CENPX: variants seen among roughly 807,000 people sequenced by gnomAD.
The protein encoded by CENPX is FANCM associated histone fold protein 2.
In CENPX, 13 loss-of-function variants were observed where a neutral mutation model predicts 13.2. That is an observed-to-expected ratio of 0.98 (90% CI 0.64 to 1.56). CENPX has a LOEUF of 1.56. Ranked by LOEUF, CENPX falls within the 40% of genes most tolerant of loss-of-function variation. CENPX has a pLI of 0.00. For synonymous variants in CENPX, 66 were observed against 47.2 expected (o/e 1.40, Z -1.63); for missense variants, 138 against 107.5 (o/e 1.28, Z -1.26).
rs1014658185 is a variant in CENPX, at chr17:82,022,792, C to T, written c.36+34G>A. On this transcript the variant is annotated intron_variant, in intron 1 of 4. Transcript: ENST00000392359. ...ACGCGTGAGGTCGGGACGGAGCGTC[C>T]GCGCCTGCCTAGCCCCTGCCCTCCG... The T allele has an allele frequency of 3.2e-6, 5 of 1,559,402 alleles. No individual in the cohort carries two copies. The South Asian group carries it at 4.7e-5, about 15-fold the overall frequency.
chr17:82,019,613 C>T (rs540001749), intron 3 of CENPX, 28 bp downstream of exon 3: 7 of 1,550,086 alleles, frequency 4.5e-6, no homozygotes, highest in African/African-American at 4.1e-5. Flanking sequence ...GATGCTGTGC[C>T]CGGAGGGAGC....
intron 1 of CENPX, 27 bp from the exon 2 acceptor site, chr17:82,019,936 A>AGGCCCCCCCCCC: frequency 6.5e-7 from 1 of 1,534,114 alleles, no homozygotes; most frequent in Non-Finnish European, 8.8e-7. Flanking sequence ...TGTCAGCGCC[A>AGGCCCCCCCCCC]CGCCCCGCCC....
rs1217400206 is a variant in CENPX at position 82,019,378 on chromosome 17, G to C, written c.146C>G (p.Ala49Gly). 6.5e-7 allele frequency: 1 copy of C among 1,549,188 alleles called. No homozygotes were observed. The highest frequency in any genetic ancestry group is 2.0e-5 in the Admixed American group (1 of 51,224). Residue 49 changes from alanine (A) to glycine (G), a missense_variant, in exon 4 of 5, where the codon GCA becomes GGA. Coordinates refer to ENST00000392359, the MANE Select transcript of CENPX (RefSeq NM_001271006.2). ...VELLKVFVVE[A>G]AVRGVRQAQA... The stretch of plus-strand genomic sequence containing the variant: ...GGCCTGCCGCACGCCGCGGACTGCT[G>C]CTTCTGCGGTGAGAAACGCGAGAGG...
intron 1 of CENPX, among the ~76,000 whole-genome samples, chr17:82,022,144 A>G (rs1459299613): frequency 6.6e-6 from 1 of 152,174 alleles, no homozygotes; most frequent in African/African-American, 2.4e-5. Flanking sequence ...TCCTCTGCAC[A>G]TGGCACCCCC....
rs769845681 is a variant in CENPX at position 82,019,300 on chromosome 17, G to T, written c.224C>A (p.Pro75Gln). 1 of 1,594,878 alleles carries T rather than the reference G, an allele frequency of 6.3e-7. No homozygotes were observed. The highest frequency in any genetic ancestry group is 1.3e-5 in the African/African-American group (1 of 74,892). ...VDVDQLEKVL[P>Q]QLLLDF ...CGACCCACGCTCACGCACCAGCTGC[G>T]GAAGCACCTTCTCCAGCTGGTCCAC... The change falls in exon 4 of 5, where the codon CCG becomes CAG. Residue 75 changes from proline to glutamine, a missense_variant. Pro to Gln is a moderately conservative substitution (Grantham distance 76, BLOSUM62 -1). Coordinates refer to ENST00000392359, the MANE Select transcript of CENPX (RefSeq NM_001271006.2).
At position 82,019,638 on chromosome 17, in the gene CENPX, C is replaced by T. The variant is rs965368222; in HGVS notation, c.142+3G>A. 4 of 1,550,308 alleles carry T rather than the reference C, an allele frequency of 2.6e-6. No homozygotes were observed. Among genetic ancestry groups the T allele is most frequent in the African/African-American group, 1.4e-5 (1 of 73,172 alleles). Reference sequence around the variant, plus strand: ...CCGGAGGGAGCGTGGGCCCTGGGCTCACCCACAACGAAGACCTTCAGCAAC... The same window carrying T: ...CCGGAGGGAGCGTGGGCCCTGGGCTTACCCACAACGAAGACCTTCAGCAAC... On this transcript the variant is annotated splice_donor_region_variant and intron_variant, in intron 3 of 4. Transcript: ENST00000392359.
Position 82,022,821 on chromosome 17 carries a change from C to A in CENPX, c.36+5G>T, listed in dbSNP as rs1162638290. The A allele has an allele frequency of 1.3e-6, 2 of 1,587,338 alleles. No individual in the cohort carries two copies. Among genetic ancestry groups the A allele is most frequent in the Non-Finnish European group, 1.7e-6 (2 of 1,169,682 alleles). The stretch of plus-strand genomic sequence containing the variant: ...CCTGCCTAGCCCCTGCCCTCCGGCC[C>A]TCACCTTCCGGAAGCCGGATCCAGC... On this transcript the variant is annotated splice_donor_5th_base_variant and intron_variant, in intron 1 of 4. Coordinates refer to ENST00000392359, the MANE Select transcript of CENPX (RefSeq NM_001271006.2).
At chr17:82,019,498 A>G (rs1395654125) in intron 3 of CENPX, 117 bp from the exon 4 acceptor site, 1 of 1,515,892 alleles carries the variant, frequency 6.6e-7, no homozygotes. Context: ...CCCCAGAACC[A>G]GGCCACAGCA....
At position 82,019,003 on chromosome 17, in the gene CENPX, C is replaced by T. The variant is rs2043221238; in HGVS notation, c.*202G>A. On this transcript the variant is annotated 3_prime_UTR_variant, in exon 5 of 5. Coordinates refer to ENST00000392359, the MANE Select transcript of CENPX (RefSeq NM_001271006.2). ...TGCTGCCCCTTCCCACACCAGTGTC[C>T]CCACTGGACACTCCAAGGCCCGCAG... 1.6e-6 allele frequency: 1 copy of T among 643,986 alleles called. No homozygotes were observed. Among genetic ancestry groups the T allele is most frequent in the African/African-American group, 1.9e-5 (1 of 53,560 alleles). The allele number at this position is 643,986 out of a possible 1,614,324, so 39.9% of individuals were successfully genotyped here.
In CENPX at chr17:82,019,697, G is replaced by A. The variant is rs552063290; in HGVS notation, c.89-3C>T. ...GAGCTGCAGCGCGTCCCCGCTCACT[G>A]CAAGGCAGGGGGAGGTTATGCGGGA... On this transcript the variant is annotated splice_polypyrimidine_tract_variant and splice_region_variant and intron_variant, in intron 2 of 4. Coordinates refer to ENST00000392359, the MANE Select transcript of CENPX (RefSeq NM_001271006.2). 6 of 1,550,318 alleles carry A rather than the reference G, an allele frequency of 3.9e-6. No homozygotes were observed. The highest frequency in any genetic ancestry group is 5.2e-6 in the Non-Finnish European group (6 of 1,146,968).
At chr17:82,020,093 C>G (rs529108341) in intron 1 of CENPX, among the ~76,000 whole-genome samples, 184 bp from the exon 2 acceptor site, 1 of 152,178 alleles carries the variant, frequency 6.6e-6, no homozygotes, top group African/African-American at 2.4e-5. Flanking sequence ...GAAGCAGATG[C>G]GTGGGCAGCT....
rs780161606 is a variant in CENPX at position 82,019,364 on chromosome 17, C to G, written c.160G>C (p.Val54Leu). ...VFVVEAAVRG[V>L]RQAQAEDALR... ...GCGTCTTCTGCCTGGGCCTGCCGCA[C>G]GCCGCGGACTGCTGCTTCTGCGGTG... Residue 54 changes from valine (V) to leucine (L), a missense_variant, in exon 4 of 5, where the codon GTG becomes CTG. Val to Leu is a conservative substitution (Grantham distance 32). Coordinates refer to ENST00000392359, the MANE Select transcript of CENPX (RefSeq NM_001271006.2). 1.9e-6 allele frequency: 3 copies of G among 1,559,440 alleles called. No homozygotes were observed. The highest frequency in any genetic ancestry group is 2.6e-6 in the Non-Finnish European group (3 of 1,154,332).
chr17:82,020,996 G>A (rs1212677935), intron 1 of CENPX, among the ~76,000 whole-genome samples: 2 of 152,288 alleles, frequency 1.3e-5, no homozygotes, highest in East Asian at 3.9e-4. Flanking sequence ...GAGCCAGCAC[G>A]GAGAGTCCAG....
rs1446258005 is a variant in CENPX at position 82,022,840 on chromosome 17, A to T, written c.22T>A (p.Ser8Thr). MEGAGAG[S>T]GFRKELVSRL... Reference sequence around the variant, plus strand: ...CCGGCCCTCACCTTCCGGAAGCCGGATCCAGCTCCTGCTCCCTCCATGACC... The same window carrying T: ...CCGGCCCTCACCTTCCGGAAGCCGGTTCCAGCTCCTGCTCCCTCCATGACC... The change falls in exon 1 of 5, where the codon TCC (serine) becomes ACC (threonine). Residue 8 changes from serine (S) to threonine (T), a missense_variant. By Grantham distance (58) the Ser-to-Thr change is moderately conservative (BLOSUM62 1). Coordinates refer to ENST00000392359, the MANE Select transcript of CENPX (RefSeq NM_001271006.2). 5 of 1,593,210 alleles carry T rather than the reference A, an allele frequency of 3.1e-6. No homozygotes were observed. Among genetic ancestry groups the T allele is most frequent in the Non-Finnish European group, 4.3e-6 (5 of 1,172,522 alleles).
intron 3 of CENPX, 50 bp from the exon 4 acceptor site, chr17:82,019,431 C>T (rs763611337): frequency 4.1e-5 from 62 of 1,522,634 alleles, no homozygotes; most frequent in Non-Finnish European, 4.9e-5. Flanking sequence ...ATCTTAAACC[C>T]GAGCCCAGTG....
chr17:82,020,206 G>A (rs1598448276), intron 1 of CENPX, among the ~76,000 whole-genome samples: 1 of 152,252 alleles, frequency 6.6e-6, no homozygotes, highest in Admixed American at 6.5e-5. Context: ...TGGGGCTCCA[G>A]GGAGAGAGTG....
Position 82,018,998 on chromosome 17 carries a change from G to C in CENPX, c.*207C>G, listed in dbSNP as rs1216330593. On this transcript the variant is annotated 3_prime_UTR_variant, in exon 5 of 5. Transcript: ENST00000392359. The stretch of plus-strand genomic sequence containing the variant: ...CCAGGTGCTGCCCCTTCCCACACCA[G>C]TGTCCCCACTGGACACTCCAAGGCC... The C allele has an allele frequency of 1.6e-6, 1 of 608,482 alleles. No homozygotes were observed. The highest frequency in any genetic ancestry group is 1.9e-5 in the African/African-American group (1 of 52,718). 37.7% of individuals were successfully genotyped at this position (608,482 alleles called of 1,614,324 possible).
chr17:82,019,405 G>A, intron 3 of CENPX, 24 bp from the exon 4 acceptor site: 2 of 1,533,878 alleles, frequency 1.3e-6, no homozygotes, highest in Non-Finnish European at 1.8e-6. Context: ...CGCGAGAGGT[G>A]GGGGATGCTG....
At chr17:82,022,669 G>T in intron 1 of CENPX, 157 bp downstream of exon 1, 1 of 862,408 alleles carries the variant, frequency 1.2e-6, no homozygotes, top group South Asian at 1.7e-5. Context: ...ACGAGGGCGC[G>T]GGGCGCGCGG....
Sources: gnomAD v4.1 joint callset for allele counts (sites outside exome capture counted in the v4.1 genomes callset) on GRCh38, gnomAD v4.1.1 for gene constraint, MANE v1.5 for transcripts, NCBI Gene and HGNC (gene_info 2026-07-23, HGNC 2026-07-21) for gene names.